The following SQSTM1 variants were observed in gnomAD, a reference collection of about 807,000 sequenced individuals.
The protein encoded by SQSTM1 is sequestosome-1.
A neutral mutation model predicts 45.1 loss-of-function variants in SQSTM1; 36 were observed. That is an observed-to-expected ratio of 0.80 (90% CI 0.61 to 1.05). The LOEUF (loss-of-function observed/expected upper bound fraction) is 1.05, where lower values mean the gene tolerates loss of function less well. Among genes scored for constraint, SQSTM1 ranks in the 50% least tolerant of loss-of-function variants. The probability of loss-of-function intolerance (pLI) is 0.00; values close to 1 mark genes in which losing one functional copy is unlikely to be tolerated. For missense variants in SQSTM1, 617 were observed against 607.1 expected, an observed-to-expected ratio of 1.02 and a Z score of -0.17; for synonymous variants, 290 against 244.3, an observed-to-expected ratio of 1.19 and a Z score of -1.74.
Position 179,823,864 on chromosome 5 carries a change from A to C in SQSTM1, c.308A>C (p.Lys103Thr), listed in dbSNP as rs748170760. Reference protein sequence around the residue: ...DIFRIYIKEKKECRRDHRPPC... With the variant: ...DIFRIYIKEKTECRRDHRPPC... ...CTCTTTACCCTTCCTGTAGAGAAAA[A>C]AGAGTGCCGGCGGGACCACCGCCCA... Residue 103 changes from lysine to threonine, a missense_variant, in exon 3 of 8, where the codon AAA (lysine) becomes ACA (threonine). Transcript: ENST00000389805. 6.2e-7 allele frequency: 1 copy of C among 1,611,724 alleles called. No homozygotes were observed. Among genetic ancestry groups the C allele is most frequent in the South Asian group, 1.1e-5 (1 of 91,054 alleles).
Position 179,806,673 on chromosome 5 carries a change from G to A in SQSTM1, c.-157+82G>A. On this transcript the variant is annotated intron_variant, in intron 1 of 5. Transcript: ENST00000514093. This position sits in a 1 kb window ranked among gnomAD's most constrained non-coding sequence, Gnocchi z 4.6. ...GGCGCAGGGGTCGGAAGGCGGCGGC[G>A]GCGGCGGCAGGGGCCCCGGCCCCGG... 1.7e-6 allele frequency: 1 copy of A among 584,566 alleles called. No homozygotes were observed. Among genetic ancestry groups the A allele is most frequent in the Non-Finnish European group, 2.2e-6 (1 of 464,370 alleles). 36.2% of individuals were successfully genotyped at this position (584,566 alleles called of 1,614,324 possible).
intron 1 of SQSTM1, chr5:179,821,765 G>A (rs762171320): frequency 1.8e-4 from 58 of 325,824 alleles, no homozygotes; most frequent in Non-Finnish European, 3.4e-4. Flanking sequence ...CAGAAGTGTT[G>A]GTGTTGGCAC....
chr5:179,819,151 G>T (rs1046976734), upstream of SQSTM1: 2 of 152,264 alleles, frequency 1.3e-5, no homozygotes, highest in Admixed American at 1.3e-4. Context: ...GCGGCGGGAG[G>T]AGAGGGCCCT....
intron 2 of SQSTM1, chr5:179,811,977 T>C (rs1416170818): frequency 6.6e-6 from 1 of 152,180 alleles, no homozygotes; most frequent in Admixed American, 6.5e-5. Flanking sequence ...GCTGATTTTT[T>C]GTATTTTTAG....
In SQSTM1 at chr5:179,806,579, C is replaced by A; in HGVS notation, c.-169C>A. On this transcript the variant is annotated 5_prime_UTR_variant, in exon 1 of 6. Coordinates refer to the SQSTM1 transcript ENST00000514093. The surrounding 1 kb of genome is among the most constrained non-coding windows in gnomAD (Gnocchi z 4.6). ...CGTCAGGAAGGTGCCATTGCGGAGCCTCATCTCCTCGGGTGCGCGGCGGGC... is the reference window on the plus strand; with the variant it reads ...CGTCAGGAAGGTGCCATTGCGGAGCATCATCTCCTCGGGTGCGCGGCGGGC... The A allele has an allele frequency of 7.8e-7, 1 of 1,279,566 alleles. No homozygotes were observed. 79.3% of individuals were successfully genotyped at this position (1,279,566 alleles called of 1,614,324 possible). A position where few individuals can be genotyped will look rare whatever the true frequency, so the allele number is the denominator to read the frequency against.
At chr5:179,833,919 G>A in intron 7 of SQSTM1, 137 bp downstream of exon 7, 3 of 989,362 alleles carry the variant, frequency 3.0e-6, no homozygotes, top group Non-Finnish European at 4.7e-6. Context: ...GGGAGGTTAG[G>A]AGTTGGTTTT....
upstream of SQSTM1, among the ~76,000 whole-genome samples, chr5:179,816,315 A>AT (rs371794182): frequency 0.016 from 2,494 of 152,156 alleles, 39 homozygotes; most frequent in African/African-American, 0.022. Context: ...CGCCCAACTA[A>AT]TTTTTTTAAT....
chr5:179,828,083 C>T (rs1758069763), intron 5 of SQSTM1, among the ~76,000 whole-genome samples: 1 of 152,156 alleles, frequency 6.6e-6, no homozygotes, highest in East Asian at 1.9e-4. Flanking sequence ...GGCAGCAGGG[C>T]ACGGAGCATC....
Position 179,833,234 on chromosome 5 carries a change from G to A in SQSTM1, c.957G>A (p.Glu319=), listed in dbSNP as rs1229728179. 1 of 1,585,124 alleles carries A rather than the reference G, an allele frequency of 6.3e-7. No homozygotes were observed. The highest frequency in any genetic ancestry group is 8.6e-7 in the Non-Finnish European group (1 of 1,168,744). The change falls in exon 6 of 8, where the codon GAG becomes GAA. Residue 319 remains glutamate (E), a synonymous_variant. Coordinates refer to ENST00000389805, the MANE Select transcript of SQSTM1 (RefSeq NM_003900.5). ...TGAGGAAGATCGCCTTGGAGTCCGAGGGGCGCCCTGAGGCAAGCCTGTGCC... is the reference window on the plus strand; with the variant it reads ...TGAGGAAGATCGCCTTGGAGTCCGAAGGGCGCCCTGAGGCAAGCCTGTGCC... The part of the protein sequence containing the change: ...EQMRKIALES[E]GRPEEQMESD...
At chr5:179,809,736 C>T (rs1324933643) in intron 1 of SQSTM1, among the ~76,000 whole-genome samples, 7 of 150,452 alleles carry the variant, frequency 4.7e-5, no homozygotes, top group Non-Finnish European at 1.5e-5. Context: ...CTCCGCTTCC[C>T]GGGTTCAAGC....
chr5:179,824,002 A>G lies in SQSTM1; in HGVS notation c.446A>G (p.Asp149Gly). 6.2e-7 allele frequency: 1 copy of G among 1,613,942 alleles called. No individual in the cohort carries two copies. Among genetic ancestry groups the G allele is most frequent in the Non-Finnish European group, 8.5e-7 (1 of 1,180,012 alleles). The change falls in exon 3 of 8, where the codon GAC (aspartate) becomes GGC (glycine). Residue 149 changes from aspartate to glycine, a missense_variant. Physicochemically the swap from Asp to Gly is moderately conservative, Grantham distance 94 (BLOSUM62 -1). Transcript: ENST00000389805. Reference sequence around the variant, plus strand: ...AAGTGCAGCGTCTGCCCAGACTACGACTTGTGTAGCGTCTGCGAGGGAAAG... The same window carrying G: ...AAGTGCAGCGTCTGCCCAGACTACGGCTTGTGTAGCGTCTGCGAGGGAAAG... ...RYKCSVCPDY[D>G]LCSVCEGKGL...
At position 179,836,945 on chromosome 5, in the gene SQSTM1, A is replaced by G. The variant is rs1220083525; in HGVS notation, c.*352A>G. ...CTTTCTCTTTTGTTTTAAATGACTCATAGGTCCCTGACATTTAGTTGATTA... is the reference window on the plus strand; with the variant it reads ...CTTTCTCTTTTGTTTTAAATGACTCGTAGGTCCCTGACATTTAGTTGATTA... On this transcript the variant is annotated 3_prime_UTR_variant, in exon 8 of 8. Transcript: ENST00000389805. 9 of 607,094 alleles carry G rather than the reference A, an allele frequency of 1.5e-5. No individual in the cohort carries two copies. The highest frequency in any genetic ancestry group is 5.5e-5 in the East Asian group (2 of 36,578). 37.6% of individuals were successfully genotyped at this position (607,094 alleles called of 1,614,324 possible).
At position 179,837,096 on chromosome 5, in the gene SQSTM1, T is replaced by G; in HGVS notation, c.*503T>G. The G allele has an allele frequency of 1.1e-6, 1 of 907,406 alleles. No homozygotes were observed. The highest frequency in any genetic ancestry group is 1.7e-6 in the Non-Finnish European group (1 of 575,740). 56.2% of individuals were successfully genotyped at this position (907,406 alleles called of 1,614,324 possible). ...GGACTGAGAAGGCTCACGAAGGGCA[T>G]CCGCAATGTTGGTTTCACTGAGAGC... On this transcript the variant is annotated 3_prime_UTR_variant, in exon 8 of 8. Coordinates refer to ENST00000389805, the MANE Select transcript of SQSTM1 (RefSeq NM_003900.5).
At chr5:179,828,429 A>C (rs553914312) in intron 5 of SQSTM1, among the ~76,000 whole-genome samples, 3 of 132,620 alleles carry the variant, frequency 2.3e-5, no homozygotes, top group African/African-American at 8.8e-5. Context: ...GCTGGAGTGC[A>C]ATGGTGTGAT....
In SQSTM1 at chr5:179,834,166, G is replaced by GT. The variant is rs1554091539; in HGVS notation, c.1165+385dup. ...GAGTGCTGGTCTGAGAGGGGGGGGG[G>GT]TCATAGCCAAGATCCCTGTAGGAGC... On this transcript the variant is annotated intron_variant, in intron 7 of 7. Transcript: ENST00000389805. 6.7e-4 allele frequency among the ~76,000 whole-genome samples: 88 copies of GT among 132,060 alleles called. 2 individuals are homozygous for GT. The highest frequency in any genetic ancestry group is 2.6e-3 in the African/African-American group (86 of 33,308). The allele number at this position is 132,060 out of a possible 152,430, so 86.6% of individuals were successfully genotyped here.
At chr5:179,826,565 A>G (rs1355771169) in intron 5 of SQSTM1, among the ~76,000 whole-genome samples, 1 of 151,136 alleles carries the variant, frequency 6.6e-6, no homozygotes, top group Admixed American at 6.6e-5. Context: ...TTAGAGGTGA[A>G]GTCAGAGAAT....
intron 5 of SQSTM1, among the ~76,000 whole-genome samples, chr5:179,832,782 T>C (rs1163122306): frequency 6.6e-6 from 1 of 152,004 alleles, no homozygotes; most frequent in Non-Finnish European, 1.5e-5. Flanking sequence ...AGCTGGGATA[T>C]GGGGAGAAGC....
At chr5:179,833,357 G>T (rs917228678) in intron 6 of SQSTM1, 111 bp downstream of exon 6, 20 of 1,137,386 alleles carry the variant, frequency 1.8e-5, no homozygotes, top group Non-Finnish European at 2.4e-5. Flanking sequence ...AAACCCGAGG[G>T]AGCTGCTGCT....
chr5:179,834,552 A>G (rs568770180), intron 7 of SQSTM1, among the ~76,000 whole-genome samples: 1 of 150,776 alleles, frequency 6.6e-6, no homozygotes, highest in African/African-American at 2.4e-5. Flanking sequence ...TAGGCAGAGG[A>G]CCCTGCGGCC....
Sources: allele counts gnomAD v4.1 joint callset (sites outside exome capture counted in the v4.1 genomes callset), GRCh38; gene constraint gnomAD v4.1.1; non-coding constraint Gnocchi (gnomAD v3.1); transcripts MANE v1.5; gene names NCBI Gene and HGNC (gene_info 2026-07-23, HGNC 2026-07-21).